The following TBC1D13 variants were observed in gnomAD, a reference collection of about 807,000 sequenced individuals.
TBC1D13 encodes epididymis secretory sperm binding protein.
TBC1D13 carries 40 observed loss-of-function variants against 53.6 expected under a neutral mutation model. The ratio of observed to expected loss-of-function variants is 0.75; its 90% CI spans 0.58 to 0.97. The LOEUF (loss-of-function observed/expected upper bound fraction) is 0.97. Ranked by LOEUF, TBC1D13 falls within the 50% of genes least tolerant of loss-of-function variation. The probability of loss-of-function intolerance (pLI) is 0.00; values close to 1 mark genes in which losing one functional copy is unlikely to be tolerated. For missense variants in TBC1D13, 377 were observed against 499.4 expected, an observed-to-expected ratio of 0.75 and a Z score of 2.34; for synonymous variants, 182 against 197.7, an observed-to-expected ratio of 0.92 and a Z score of 0.67.
intron 7 of TBC1D13, among the ~76,000 whole-genome samples, chr9:128,798,845 C>T (rs1475600660): frequency 2.0e-5 from 3 of 152,170 alleles, no homozygotes; most frequent in African/African-American, 7.2e-5. Context: ...TTTTTCTCCC[C>T]CTGGGGAATG....
Position 128,807,967 on chromosome 9 carries a change from A to C in TBC1D13, c.*88A>C. ...GACACATAGAAACCTGTAGGAACCC[A>C]GCCTGAGGGGAAGCCACAGGATCGG... On this transcript the variant is annotated 3_prime_UTR_variant, in exon 12 of 12. Transcript: ENST00000372648. 1 of 1,296,602 alleles carries C rather than the reference A, an allele frequency of 7.7e-7. No individual in the cohort carries two copies. The highest frequency in any genetic ancestry group is 1.1e-6 in the Non-Finnish European group (1 of 902,896). 80.3% of individuals were successfully genotyped at this position (1,296,602 alleles called of 1,614,324 possible).
intron 7 of TBC1D13, among the ~76,000 whole-genome samples, chr9:128,802,212 C>T (rs1001538733): frequency 4.0e-5 from 6 of 149,578 alleles, no homozygotes; most frequent in East Asian, 3.9e-4. Context: ...TACGCCACCA[C>T]GCCTGGCTAA....
At position 128,788,347 on chromosome 9, in the gene TBC1D13, C is replaced by T; in HGVS notation, c.37C>T (p.Gln13Ter). 6.2e-7 allele frequency: 1 copy of T among 1,614,100 alleles called. No homozygotes were observed. Among genetic ancestry groups the T allele is most frequent in the African/African-American group, 1.3e-5 (1 of 75,050 alleles). The change falls in exon 2 of 12, where the codon CAG becomes TAG. Residue 13 changes from glutamine to a stop codon, truncating the protein, a stop_gained. Coordinates refer to ENST00000372648, the MANE Select transcript of TBC1D13 (RefSeq NM_018201.5). LOFTEE classifies it high-confidence loss of function. ...CTCCCCTTCCAGAATTGCAGATTTC[C>T]AGGATGTCCTGAAGGAGCCCTCAAT... ...SLHKSRIADF[Q>*]DVLKEPSIAL...
chr9:128,800,366 A>G (rs993946410), intron 7 of TBC1D13, among the ~76,000 whole-genome samples: 10 of 97,640 alleles, frequency 1.0e-4, no homozygotes, highest in African/African-American at 6.1e-5. Context: ...TTATCTTCCA[A>G]CTTTTTTTTT....
intron 7 of TBC1D13, among the ~76,000 whole-genome samples, chr9:128,800,629 G>A (rs1001875689): frequency 1.3e-5 from 2 of 151,990 alleles, no homozygotes; most frequent in African/African-American, 4.8e-5. Context: ...AAAGTGCTGG[G>A]ATTACAGGTG....
intron 7 of TBC1D13, among the ~76,000 whole-genome samples, chr9:128,802,760 A>G (rs1829759706): frequency 6.9e-6 from 1 of 145,300 alleles, no homozygotes; most frequent in African/African-American, 2.6e-5. Flanking sequence ...TTTTTGAGAC[A>G]GTGTCTTGTT....
intron 7 of TBC1D13, among the ~76,000 whole-genome samples, chr9:128,801,132 A>G (rs578114262): frequency 1.1e-4 from 17 of 152,238 alleles, no homozygotes; most frequent in African/African-American, 3.9e-4. Context: ...AGATCACTCC[A>G]TTGCACTCCA....
chr9:128,803,339 G>A lies in TBC1D13; in HGVS notation c.633G>A (p.Val211=), dbSNP rs1394493919. 1 of 1,614,120 alleles carries A rather than the reference G, an allele frequency of 6.2e-7. No homozygotes were observed. Among genetic ancestry groups the A allele is most frequent in the Non-Finnish European group, 8.5e-7 (1 of 1,180,058 alleles). ...GCTGTGAGGCCCACTGGGAGGTGGT[G>A]GAGCGGATCCTGTTCATCTACGCCA... is the stretch of plus-strand genomic sequence containing the variant. ...PNGCEAHWEV[V]ERILFIYAKL... Residue 211 remains valine, a synonymous_variant, in exon 8 of 12, where the codon GTG becomes GTA. Transcript: ENST00000372648.
At chr9:128,806,082 GGA>G in intron 10 of TBC1D13, 63 bp downstream of exon 10, 32 of 1,593,686 alleles carry the variant, frequency 2.0e-5, no homozygotes, top group Non-Finnish European at 2.7e-5. Flanking sequence ...CCAGACAGGA[GGA>G]CCCTCCGCCC....
chr9:128,788,487 A>T, intron 2 of TBC1D13, 80 bp downstream of exon 2: 1 of 1,312,850 alleles, frequency 7.6e-7, no homozygotes, highest in Non-Finnish European at 1.1e-6. Context: ...ACACCTGGTC[A>T]GCTCTGGGGC....
chr9:128,790,904 GGGAA>G, intron 3 of TBC1D13, 129 bp downstream of exon 3: 1 of 920,516 alleles, frequency 1.1e-6, no homozygotes, highest in Non-Finnish European at 1.6e-6. Flanking sequence ...GAGCTTTTCT[GGGAA>G]GTCCTGGGTT....
chr9:128,800,836 C>T (rs973706175), intron 7 of TBC1D13, among the ~76,000 whole-genome samples: 2 of 151,920 alleles, frequency 1.3e-5, no homozygotes, highest in Non-Finnish European at 2.9e-5. Context: ...GACCTTTTAC[C>T]ATCGAGTACT....
chr9:128,801,566 C>T (rs1276514963), intron 7 of TBC1D13, among the ~76,000 whole-genome samples: 2 of 151,538 alleles, frequency 1.3e-5, no homozygotes, highest in African/African-American at 2.4e-5. Context: ...GTACTCCCAG[C>T]TACTCAGGAG....
In TBC1D13 at chr9:128,803,310, A is replaced by G. The variant is rs1025283868; in HGVS notation, c.604A>G (p.Asn202Asp). The change falls in exon 8 of 12, where the codon AAT becomes GAT. Residue 202 changes from asparagine to aspartate, a missense_variant. Asn to Asp is a conservative substitution (Grantham distance 23, BLOSUM62 1). Transcript: ENST00000372648. ...CCTAAATGAGTATGAGGTGCTGCCC[A>G]ATGGCTGTGAGGCCCACTGGGAGGT... ...SSLNEYEVLPNGCEAHWEVVE... is the reference protein window; with the variant it reads ...SSLNEYEVLPDGCEAHWEVVE... 2.5e-6 allele frequency: 4 copies of G among 1,614,172 alleles called. No homozygotes were observed. In the East Asian group the frequency reaches 8.9e-5, roughly 36 times the overall value.
Position 128,808,044 on chromosome 9 carries a change from G to T in TBC1D13, c.*165G>T, listed in dbSNP as rs112574675. ...GGACACACTGTGCCGTGCTCCTTCT[G>T]CCGCCACGCCCAGCTCCCCACCTGC... On this transcript the variant is annotated 3_prime_UTR_variant, in exon 12 of 12. Coordinates refer to ENST00000372648, the MANE Select transcript of TBC1D13 (RefSeq NM_018201.5). The T allele has an allele frequency of 6.8e-4, 412 of 608,298 alleles. 1 individual carries two copies. In the East Asian group the frequency reaches 0.012, roughly 18 times the overall value. The allele number at this position is 608,298 out of a possible 1,614,324, so 37.7% of individuals were successfully genotyped here.
Position 128,806,310 on chromosome 9 carries a change from A to C in TBC1D13, c.1136A>C (p.Gln379Pro). 1 of 1,614,068 alleles carries C rather than the reference A, an allele frequency of 6.2e-7. No individual in the cohort carries two copies. Among genetic ancestry groups the C allele is most frequent in the Non-Finnish European group, 8.5e-7 (1 of 1,180,018 alleles). Residue 379 changes from glutamine (Q) to proline (P), a missense_variant and splice_region_variant, in exon 11 of 12, where the codon CAG becomes CCG. Physicochemically the swap from Gln to Pro is moderately conservative, Grantham distance 76. Coordinates refer to ENST00000372648, the MANE Select transcript of TBC1D13 (RefSeq NM_018201.5). ...GDFTVNMRLL[Q>P]DYPITDVCQI... is the part of the protein sequence containing the mutation. ...TTCACTGTGAATATGCGGCTGCTGC[A>C]GGTAATGGGAGTTGGGGGCAGGCTC... is the stretch of plus-strand genomic sequence containing the variant.
Position 128,792,506 on chromosome 9 carries a change from C to G in TBC1D13, c.315C>G (p.Asn105Lys), listed in dbSNP as rs1220109096. 6.2e-7 allele frequency: 1 copy of G among 1,614,138 alleles called. No individual in the cohort carries two copies. Among genetic ancestry groups the G allele is most frequent in the Non-Finnish European group, 8.5e-7 (1 of 1,179,992 alleles). Reference protein sequence around the residue: ...VTFEDHPLNPNPDSRWNTYFK... With the variant: ...VTFEDHPLNPKPDSRWNTYFK... Reference sequence around the variant, plus strand: ...TCTCCCCACAGCCACTCAACCCCAACCCTGACAGCCGGTGGAACACGTACT... The same window carrying G: ...TCTCCCCACAGCCACTCAACCCCAAGCCTGACAGCCGGTGGAACACGTACT... Residue 105 changes from asparagine (N) to lysine (K), a missense_variant, in exon 6 of 12, where the codon AAC becomes AAG. Asn to Lys is a moderately conservative substitution (Grantham distance 94, BLOSUM62 0). Transcript: ENST00000372648.
In TBC1D13 at chr9:128,787,392, G is replaced by C; in HGVS notation, c.23+16G>C. 8.0e-7 allele frequency: 1 copy of C among 1,257,848 alleles called. No individual in the cohort carries two copies. Among genetic ancestry groups the C allele is most frequent in the Non-Finnish European group, 1.0e-6 (1 of 993,364 alleles). The allele number at this position is 1,257,848 out of a possible 1,614,324, so 77.9% of individuals were successfully genotyped here. On this transcript the variant is annotated intron_variant, in intron 1 of 11. Coordinates refer to ENST00000372648, the MANE Select transcript of TBC1D13 (RefSeq NM_018201.5). ...ACAAGAGCCGGTAAGGGGCCATGGG[G>C]CCTGACCCGGCTGGGCCACTCCTGG...
chr9:128,797,188 G>A lies in TBC1D13; in HGVS notation c.517G>A (p.Ala173Thr), dbSNP rs1829646138. The A allele has an allele frequency of 6.2e-7, 1 of 1,613,960 alleles. No individual in the cohort carries two copies. The stretch of plus-strand genomic sequence containing the variant: ...GACAACACTGAAATCTCAGACGGTG[G>A]CCCGGAACCGGAGTGGGGTCACAAA... ...EQTTLKSQTV[A>T]RNRSGVTNMS... Residue 173 changes from alanine to threonine, a missense_variant, in exon 7 of 12, where the codon GCC (alanine) becomes ACC (threonine). Coordinates refer to ENST00000372648, the MANE Select transcript of TBC1D13 (RefSeq NM_018201.5).
Sources: gnomAD v4.1 joint callset for allele counts (sites outside exome capture counted in the v4.1 genomes callset) on GRCh38, gnomAD v4.1.1 for gene constraint, MANE v1.5 for transcripts, NCBI Gene and HGNC (gene_info 2026-07-23, HGNC 2026-07-21) for gene names.